The following SMARCC1 variants were observed in gnomAD, a reference collection of about 807,000 sequenced individuals.
SMARCC1 encodes the protein SWI/SNF related BAF chromatin remodeling complex subunit C1, also known as SWI/SNF complex subunit SMARCC1.
SMARCC1 carries 43 observed loss-of-function variants against 147.4 expected under a neutral mutation model. The ratio of observed to expected loss-of-function variants is 0.29; its 90% CI spans 0.23 to 0.38. SMARCC1 has a LOEUF of 0.38. Among genes scored for constraint, SMARCC1 ranks in the 10% least tolerant of loss-of-function variants. The pLI is 1.00. For missense variants in SMARCC1, 1,119 were observed against 1,381.1 expected (o/e 0.81, Z 3.01); for synonymous variants, 495 against 484.4 (o/e 1.02, Z -0.29).
At chr3:47,672,311 T>C (rs763263374) in intron 18 of SMARCC1, among the ~76,000 whole-genome samples, 4 of 151,728 alleles carry the variant, frequency 2.6e-5, no homozygotes, top group South Asian at 2.1e-4. Flanking sequence ...GCCTCCCGGG[T>C]TCACACCATT....
intron 2 of SMARCC1, among the ~76,000 whole-genome samples, chr3:47,762,837 C>T (rs867793118): frequency 1.3e-5 from 2 of 152,056 alleles, no homozygotes; most frequent in African/African-American, 4.8e-5. Flanking sequence ...GAGGCCGAGG[C>T]GGGCAGATCA....
intron 25 of SMARCC1, among the ~76,000 whole-genome samples, chr3:47,618,815 C>A (rs190823362): frequency 2.7e-3 from 417 of 152,174 alleles, no homozygotes; most frequent in Non-Finnish European, 4.5e-3. Flanking sequence ...CAATTTAGTG[C>A]TGAGGAAAGA....
At chr3:47,750,160 G>A (rs1231583629) in intron 2 of SMARCC1, among the ~76,000 whole-genome samples, 4 of 151,670 alleles carry the variant, frequency 2.6e-5, no homozygotes, top group African/African-American at 7.3e-5. Context: ...TGTAGGCTGG[G>A]CGCGGTGGCT....
chr3:47,779,216 A>C (rs988625276), intron 1 of SMARCC1, among the ~76,000 whole-genome samples: 14 of 152,302 alleles, frequency 9.2e-5, no homozygotes, highest in African/African-American at 3.1e-4. Flanking sequence ...TGGGCAACAC[A>C]GAAAGACCCT....
chr3:47,605,637 G>A (rs1028224691), intron 26 of SMARCC1, among the ~76,000 whole-genome samples: 4 of 152,268 alleles, frequency 2.6e-5, no homozygotes, highest in South Asian at 2.1e-4. Context: ...GTGGGGTGTC[G>A]TGGTGTGCAC....
chr3:47,702,940 G>A (rs568298123), intron 10 of SMARCC1, among the ~76,000 whole-genome samples: 1 of 151,848 alleles, frequency 6.6e-6, no homozygotes, highest in African/African-American at 2.4e-5. Context: ...GGTGGGGGCG[G>A]GGGTAGGAGA....
chr3:47,600,269 T>G (rs1342110555), intron 26 of SMARCC1, among the ~76,000 whole-genome samples: 2 of 152,104 alleles, frequency 1.3e-5, no homozygotes, highest in Non-Finnish European at 2.9e-5. Flanking sequence ...CAAACATCTC[T>G]CAGGAAAGCA....
chr3:47,768,727 G>A (rs1309962220), intron 2 of SMARCC1, among the ~76,000 whole-genome samples: 4 of 151,974 alleles, frequency 2.6e-5, no homozygotes, highest in Non-Finnish European at 4.4e-5. Context: ...AGCTGTAAAG[G>A]AACATGGAAC....
chr3:47,645,441 C>T (rs1240333340), intron 21 of SMARCC1, among the ~76,000 whole-genome samples: 1 of 152,156 alleles, frequency 6.6e-6, no homozygotes, highest in African/African-American at 2.4e-5. Flanking sequence ...GGCTACCTGG[C>T]TGAGAAGGCA....
chr3:47,699,909 C>CT (rs1358444163), intron 11 of SMARCC1, among the ~76,000 whole-genome samples: 1 of 151,410 alleles, frequency 6.6e-6, no homozygotes, highest in South Asian at 2.1e-4. Context: ...TTTTCCTAGG[C>CT]TTTTTTTTAA....
At chr3:47,647,442 G>C (rs1469643537) in intron 21 of SMARCC1, among the ~76,000 whole-genome samples, 22 of 152,148 alleles carry the variant, frequency 1.4e-4, no homozygotes, top group Admixed American at 1.4e-3. Flanking sequence ...AGTTACGTTT[G>C]GTAGGTTAGG....
At chr3:47,685,293 T>C (rs2033705589) in intron 14 of SMARCC1, among the ~76,000 whole-genome samples, 1 of 152,130 alleles carries the variant, frequency 6.6e-6, no homozygotes, top group Admixed American at 6.6e-5. Flanking sequence ...AACTGCAAGA[T>C]TTCATCCCAC....
chr3:47,716,051 A>G (rs2106804112), intron 7 of SMARCC1, among the ~76,000 whole-genome samples: 1 of 151,590 alleles, frequency 6.6e-6, no homozygotes, highest in African/African-American at 2.4e-5. Context: ...AAACTATGAA[A>G]CCAAATGACA....
intron 26 of SMARCC1, chr3:47,604,495 C>T: frequency 5.5e-6 from 2 of 365,046 alleles, no homozygotes; most frequent in Non-Finnish European, 1.1e-5. Context: ...GTTGGAAGGA[C>T]CTGCTCATAG....
In SMARCC1 at chr3:47,661,433, C is replaced by T. The variant is rs1474260165; in HGVS notation, c.2181G>A (p.Glu727=). The change falls in exon 21 of 28, where the codon GAG becomes GAA. Residue 727 remains glutamate, a synonymous_variant. Transcript: ENST00000254480. The part of the protein sequence containing the change: ...AALEEFSRVR[E]EVPLELVEAH... ...CTTCAACCAATTCCAGTGGTACCTCCTCCCGGACCCGAGAAAACTCCTCTG... is the reference window on the plus strand; with the variant it reads ...CTTCAACCAATTCCAGTGGTACCTCTTCCCGGACCCGAGAAAACTCCTCTG... 1.2e-6 allele frequency: 2 copies of T among 1,605,790 alleles called. No homozygotes were observed. The highest frequency in any genetic ancestry group is 1.3e-5 in the African/African-American group (1 of 74,496).
intron 1 of SMARCC1, 131 bp downstream of exon 1, chr3:47,781,472 G>A (rs1367174595): frequency 3.7e-6 from 2 of 534,398 alleles, no homozygotes; most frequent in African/African-American, 2.0e-5. Context: ...GGGGCGTGGC[G>A]GGCCCGGCGC....
At chr3:47,662,265 G>C in intron 20 of SMARCC1, 69 bp downstream of exon 20, 1 of 1,268,772 alleles carries the variant, frequency 7.9e-7, no homozygotes, top group East Asian at 2.3e-5. Flanking sequence ...TGAATGTAAC[G>C]GCTGGTAATA....
intron 21 of SMARCC1, among the ~76,000 whole-genome samples, chr3:47,640,739 A>T (rs2033037653): frequency 6.6e-6 from 1 of 152,210 alleles, no homozygotes; most frequent in Non-Finnish European, 1.5e-5. Context: ...TGATACCAGT[A>T]TAACTTTGAT....
intron 16 of SMARCC1, among the ~76,000 whole-genome samples, 172 bp downstream of exon 16, chr3:47,678,026 A>G (rs1348043553): frequency 1.3e-5 from 2 of 152,104 alleles, no homozygotes; most frequent in Non-Finnish European, 2.9e-5. Flanking sequence ...AAAATAAAAT[A>G]ATTAAATTGA....
Sources: allele counts gnomAD v4.1 joint callset (sites outside exome capture counted in the v4.1 genomes callset), GRCh38; gene constraint gnomAD v4.1.1; transcripts MANE v1.5; gene names NCBI Gene and HGNC (gene_info 2026-07-23, HGNC 2026-07-21).